The following LIPJ variants were observed in gnomAD, a reference collection of about 807,000 sequenced individuals.
LIPJ encodes the protein lipase family member J.
A neutral mutation model predicts 39.8 loss-of-function variants in LIPJ; 33 were observed. That is an observed-to-expected ratio of 0.83 (90% confidence interval 0.63 to 1.11). The LOEUF is 1.11. Among genes scored for constraint, LIPJ ranks in the 50% least tolerant of loss-of-function variants. LIPJ has a pLI of 0.00. For missense variants in LIPJ, 422 were observed against 427.9 expected (o/e 0.99, Z 0.12); for synonymous variants, 128 against 139.2 (o/e 0.92, Z 0.57).
At chr10:88,583,598 T>C, upstream of LIPJ, 2 of 997,720 alleles carry the variant, frequency 2.0e-6, no homozygotes, top group Non-Finnish European at 2.4e-6. Flanking sequence ...GGATTTTTGC[T>C]GTTTTACTAT....
exon 8 of LIPJ, chr10:88,596,906 G>A: frequency 6.4e-7 from 1 of 1,571,424 alleles, no homozygotes; most frequent in Middle Eastern, 1.8e-4. Context: ...TGTTTATGAT[G>A]TTTGGATATG....
chr10:88,609,898 C>CAAAAAA (rs11305444), downstream of LIPJ, among the ~76,000 whole-genome samples: 1 of 84,558 alleles, frequency 1.2e-5, no homozygotes, highest in Non-Finnish European at 2.3e-5. Flanking sequence ...GACTCTGTCT[C>CAAAAAA]AAAAAAAAAA....
chr10:88,593,786 G>C (rs1851159300), intron 4 of LIPJ, 160 bp from the exon 5 acceptor site: 1 of 604,290 alleles, frequency 1.7e-6, no homozygotes, highest in Non-Finnish European at 2.9e-6. Flanking sequence ...AAACAGCTCT[G>C]TCATACAACG....
At chr10:88,605,607 G>A (rs1317632713) in intron 9 of LIPJ, 26 bp from the exon 10 acceptor site, 5 of 1,516,962 alleles carry the variant, frequency 3.3e-6, no homozygotes, top group Non-Finnish European at 4.6e-6. Flanking sequence ...CAAATGATAT[G>A]GTCTTATTTT....
At chr10:88,601,217 G>A (rs964021552) in intron 8 of LIPJ, among the ~76,000 whole-genome samples, 1 of 152,018 alleles carries the variant, frequency 6.6e-6, no homozygotes. Context: ...CAAACTGCTG[G>A]GATTTAATGG....
chr10:88,594,420 TA>T, intron 5 of LIPJ: 1 of 474,112 alleles, frequency 2.1e-6, no homozygotes, highest in Non-Finnish European at 3.7e-6. Context: ...ATAACTCATA[TA>T]TTTTGTCTAC....
the LIPJ span, among the ~76,000 whole-genome samples, chr10:88,614,058 G>A: frequency 2.6e-5 from 4 of 151,340 alleles, no homozygotes; most frequent in Non-Finnish European, 5.9e-5. Flanking sequence ...GGCAACATGT[G>A]ACTCTTATTT....
intron 8 of LIPJ, among the ~76,000 whole-genome samples, chr10:88,599,457 T>G (rs1851388478): frequency 6.6e-6 from 1 of 152,022 alleles, no homozygotes; most frequent in Admixed American, 6.6e-5. Flanking sequence ...CATTTTACTC[T>G]GTTTCTATGA....
chr10:88,618,505 T>C, the LIPJ span: 1 of 152,450 alleles, frequency 6.6e-6, no homozygotes, highest in African/African-American at 2.4e-5. Context: ...TATTAGTTTA[T>C]TTTCTGACTT....
At chr10:88,587,947 A>C (rs1351079948) in intron 2 of LIPJ, among the ~76,000 whole-genome samples, 1 of 152,080 alleles carries the variant, frequency 6.6e-6, no homozygotes, top group African/African-American at 2.4e-5. Context: ...ATGTATTAGA[A>C]AAATTATTGA....
At chr10:88,595,803 C>T (rs1851234491) in intron 6 of LIPJ, among the ~76,000 whole-genome samples, 1 of 151,274 alleles carries the variant, frequency 6.6e-6, no homozygotes, top group Non-Finnish European at 1.5e-5. Context: ...CACATTAATG[C>T]CTCTAAATTG....
chr10:88,603,579 C>T (rs1851566864), intron 9 of LIPJ, among the ~76,000 whole-genome samples: 2 of 152,258 alleles, frequency 1.3e-5, no homozygotes, highest in Non-Finnish European at 2.9e-5. Flanking sequence ...TTCTCTGGCC[C>T]TTAGTGGCAG....
exon 8 of LIPJ, chr10:88,596,891 T>C (rs762867096): frequency 8.8e-6 from 14 of 1,585,392 alleles, no homozygotes; most frequent in Middle Eastern, 1.7e-4. Flanking sequence ...TTTGCCTCAA[T>C]ATCTTGTTTA....
upstream of LIPJ, among the ~76,000 whole-genome samples, chr10:88,585,196 G>A (rs1850868733): frequency 6.6e-6 from 1 of 152,190 alleles, no homozygotes; most frequent in Non-Finnish European, 1.5e-5. Context: ...GTTCAAGTGA[G>A]TTTGCCCAAG....
At chr10:88,583,504 G>T, upstream of LIPJ, 1 of 1,212,608 alleles carries the variant, frequency 8.2e-7, no homozygotes, top group East Asian at 4.8e-5. Context: ...ATTGTTGGGA[G>T]AACCCGCCTC....
chr10:88,601,990 A>G (rs1590086723), intron 8 of LIPJ, among the ~76,000 whole-genome samples: 1 of 152,210 alleles, frequency 6.6e-6, no homozygotes, highest in South Asian at 2.1e-4. Flanking sequence ...CAATGCAAAC[A>G]TAGATTACAG....
intron 3 of LIPJ, among the ~76,000 whole-genome samples, 182 bp from the exon 4 acceptor site, chr10:88,591,196 G>T (rs182741217): frequency 6.6e-6 from 1 of 151,590 alleles, no homozygotes; most frequent in Non-Finnish European, 1.5e-5. Flanking sequence ...CTGCTCAGTA[G>T]GTATTTTACA....
chr10:88,607,267 G>A (rs1851695752), downstream of LIPJ, among the ~76,000 whole-genome samples: 1 of 152,100 alleles, frequency 6.6e-6, no homozygotes, highest in South Asian at 2.1e-4. Flanking sequence ...AGAAATACTT[G>A]ATATGAAAGT....
intron 8 of LIPJ, among the ~76,000 whole-genome samples, chr10:88,601,174 C>T (rs1851462591): frequency 6.6e-6 from 1 of 152,082 alleles, no homozygotes; most frequent in Admixed American, 6.6e-5. Context: ...TCTCGAACTC[C>T]TGACCTCAGG....
Sources: gnomAD v4.1 joint callset for allele counts (sites outside exome capture counted in the v4.1 genomes callset) on GRCh38, gnomAD v4.1.1 for gene constraint, MANE v1.5 for transcripts, NCBI Gene and HGNC (gene_info 2026-07-23, HGNC 2026-07-21) for gene names.